Variants in ZNF385D observed in about 807,000 individuals in gnomAD.
ZNF385D encodes zinc finger protein 659.
A neutral mutation model predicts 35.8 loss-of-function variants in ZNF385D; 15 were observed. That is an observed-to-expected ratio of 0.42 (90% CI 0.28 to 0.64). The LOEUF (loss-of-function observed/expected upper bound fraction) is 0.64, where lower values mean the gene tolerates loss of function less well. ZNF385D is among the 30% of genes least tolerant of loss of function. The probability of loss-of-function intolerance (pLI) is 0.23; values close to 1 mark genes in which losing one functional copy is unlikely to be tolerated. For missense variants in ZNF385D, 474 were observed against 494.6 expected (o/e 0.96, Z 0.39); for synonymous variants, 212 against 186.8 (o/e 1.13, Z -1.10).
intron 3 of ZNF385D, among the ~76,000 whole-genome samples, chr3:21,891,460 G>A (rs1354070179): frequency 6.6e-6 from 1 of 152,042 alleles, no homozygotes; most frequent in African/African-American, 2.4e-5. Context: ...TTTTCTGAAT[G>A]GCCTTATCAT....
At chr3:22,362,766 T>A (rs1004416046) in intron 2 of ZNF385D, among the ~76,000 whole-genome samples, 4 of 152,088 alleles carry the variant, frequency 2.6e-5, no homozygotes, top group Non-Finnish European at 5.9e-5. Context: ...GACAGAATAT[T>A]ATGCTGTTTT....
intron 3 of ZNF385D, among the ~76,000 whole-genome samples, chr3:21,980,457 G>T (rs1241854861): frequency 6.6e-6 from 1 of 152,134 alleles, no homozygotes; most frequent in Non-Finnish European, 1.5e-5. Flanking sequence ...TAGTAGCATT[G>T]AAGTGAAAAA....
At chr3:21,706,735 G>A (rs1466134678) in intron 1 of ZNF385D, among the ~76,000 whole-genome samples, 1 of 152,160 alleles carries the variant, frequency 6.6e-6, no homozygotes, top group Non-Finnish European at 1.5e-5. Flanking sequence ...GAAGGCATCT[G>A]TTAAGGTAAC....
intron 2 of ZNF385D, among the ~76,000 whole-genome samples, chr3:22,354,318 A>C (rs1387322903): frequency 6.6e-6 from 1 of 152,142 alleles, no homozygotes; most frequent in Non-Finnish European, 1.5e-5. Context: ...AGATACAGTA[A>C]GGATTAGAGT....
In ZNF385D at chr3:21,845,686, A is replaced by T. The variant is rs141882805; in HGVS notation, c.326-180658T>A. On this transcript the variant is annotated intron_variant, in intron 3 of 5. Coordinates refer to the ZNF385D transcript ENST00000494108. ...AAGAAACACCCAAATAACCTCAGCCACATTTGCCATATTATAACATCAGGA... is the reference window on the plus strand; with the variant it reads ...AAGAAACACCCAAATAACCTCAGCCTCATTTGCCATATTATAACATCAGGA... Among the ~76,000 whole-genome samples the T allele has an allele frequency of 3.4e-4, 52 of 152,082 alleles. 2 individuals are homozygous for T. The East Asian group carries it at 6.0e-3, about 18-fold the overall frequency.
intron 3 of ZNF385D, among the ~76,000 whole-genome samples, chr3:22,096,129 T>A (rs1044065386): frequency 6.6e-6 from 1 of 150,944 alleles, no homozygotes; most frequent in Non-Finnish European, 1.5e-5. Context: ...GTAAAAAAAA[T>A]ATATATACAT....
chr3:21,861,224 T>A (rs1028781431), intron 3 of ZNF385D, among the ~76,000 whole-genome samples: 9 of 152,120 alleles, frequency 5.9e-5, no homozygotes, highest in African/African-American at 2.2e-4. Flanking sequence ...CAAGTTCTAT[T>A]TTTTTCGTGC....
intron 2 of ZNF385D, among the ~76,000 whole-genome samples, chr3:22,218,386 AACTT>A: frequency 6.6e-6 from 1 of 152,066 alleles, no homozygotes; most frequent in Non-Finnish European, 1.5e-5. Flanking sequence ...TTTGAAAACT[AACTT>A]TGTATTCTGT....
chr3:22,313,418 A>T (rs1017361718), intron 2 of ZNF385D, among the ~76,000 whole-genome samples: 2 of 152,146 alleles, frequency 1.3e-5, no homozygotes, highest in Non-Finnish European at 2.9e-5. Context: ...TTAAAAAAAG[A>T]TGTAGATATA....
intron 3 of ZNF385D, among the ~76,000 whole-genome samples, chr3:21,859,673 A>ATTTT (rs3884133): frequency 2.7e-5 from 4 of 146,872 alleles, no homozygotes; most frequent in African/African-American, 1.0e-4. Flanking sequence ...CTCCAAAGGC[A>ATTTT]TTTTTTTTTT....
At chr3:22,310,743 G>A in intron 2 of ZNF385D, among the ~76,000 whole-genome samples, 1 of 151,614 alleles carries the variant, frequency 6.6e-6, no homozygotes, top group East Asian at 1.9e-4. Context: ...TATATACGCT[G>A]TTTTCATTTG....
At chr3:21,816,976 C>CA (rs1357462071) in intron 3 of ZNF385D, among the ~76,000 whole-genome samples, 3 of 152,068 alleles carry the variant, frequency 2.0e-5, no homozygotes, top group African/African-American at 7.2e-5. Context: ...GTACTGGTAC[C>CA]AAAACAGACA....
intron 1 of ZNF385D, among the ~76,000 whole-genome samples, chr3:21,693,048 T>C (rs1357252495): frequency 6.6e-6 from 1 of 152,226 alleles, no homozygotes; most frequent in Non-Finnish European, 1.5e-5. Flanking sequence ...TTGTGGCAAC[T>C]AGCATCACAC....
intron 3 of ZNF385D, among the ~76,000 whole-genome samples, chr3:21,911,187 T>A (rs1699942997): frequency 6.6e-6 from 1 of 151,988 alleles, no homozygotes; most frequent in Non-Finnish European, 1.5e-5. Context: ...CTTGGGTAAT[T>A]ACAAAACATA....
intron 3 of ZNF385D, among the ~76,000 whole-genome samples, chr3:21,526,277 C>T (rs1377936495): frequency 6.6e-6 from 1 of 151,938 alleles, no homozygotes; most frequent in African/African-American, 2.4e-5. Context: ...TGTGTTTTCA[C>T]CTTTGCAGGG....
chr3:22,231,834 T>A (rs774428229), intron 2 of ZNF385D, among the ~76,000 whole-genome samples: 2 of 152,150 alleles, frequency 1.3e-5, no homozygotes, highest in Non-Finnish European at 2.9e-5. Context: ...TAGATCCTTT[T>A]TGAATGGTTT....
At position 21,770,484 on chromosome 3, in the gene ZNF385D, A is replaced by G. The variant is rs1019955188; in HGVS notation, c.326-105456T>C. 7.2e-5 allele frequency among the ~76,000 whole-genome samples: 11 copies of G among 152,340 alleles called. No homozygotes were observed. In the East Asian group the frequency reaches 1.3e-3, roughly 19 times the overall value. On this transcript the variant is annotated intron_variant, in intron 3 of 5. Transcript: ENST00000494108. ...ATTTATGCAGCCAAAAGACACATGAAAAAATGCTCACCATCACTGGCCATC... is the reference window on the plus strand; with the variant it reads ...ATTTATGCAGCCAAAAGACACATGAGAAAATGCTCACCATCACTGGCCATC...
intron 1 of ZNF385D, 99 bp downstream of exon 1, chr3:21,750,796 G>A (rs999375374): frequency 6.7e-7 from 1 of 1,493,742 alleles, no homozygotes; most frequent in African/African-American, 1.4e-5. Context: ...TAGGTTTAAT[G>A]TAACATATTC....
At chr3:21,686,774 A>G (rs1406121548) in intron 1 of ZNF385D, among the ~76,000 whole-genome samples, 1 of 152,210 alleles carries the variant, frequency 6.6e-6, no homozygotes, top group Non-Finnish European at 1.5e-5. Flanking sequence ...AAGGAATATT[A>G]TTTTCATACG....
Sources: allele counts gnomAD v4.1 joint callset (sites outside exome capture counted in the v4.1 genomes callset), GRCh38; gene constraint gnomAD v4.1.1; transcripts MANE v1.5; gene names NCBI Gene and HGNC (gene_info 2026-07-23, HGNC 2026-07-21).